Variants in ZBTB38 observed in about 807,000 individuals in gnomAD.
The protein encoded by ZBTB38 is zinc finger and BTB domain containing 38.
ZBTB38 carries 20 observed loss-of-function variants against 76.8 expected under a neutral mutation model. That is an observed-to-expected ratio of 0.26 (90% CI 0.18 to 0.38). ZBTB38 has a LOEUF of 0.38. ZBTB38 is among the 10% of genes least tolerant of loss of function. The pLI is 1.00. For synonymous variants in ZBTB38, 504 were observed against 544.2 expected (o/e 0.93, Z 1.03); for missense variants, 1,082 against 1,482.3 (o/e 0.73, Z 4.43).
chr3:141,407,183 C>T (rs1332903127), intron 5 of ZBTB38, among the ~76,000 whole-genome samples: 3 of 152,174 alleles, frequency 2.0e-5, no homozygotes. Context: ...AATGTAATTC[C>T]ATTGCCTTTT....
intron 1 of ZBTB38, among the ~76,000 whole-genome samples, chr3:141,329,957 T>A (rs1359002341): frequency 2.0e-5 from 3 of 151,948 alleles, no homozygotes; most frequent in Non-Finnish European, 4.4e-5. Flanking sequence ...AGTGAGACCT[T>A]GCCTCTATAA....
At chr3:141,337,723 G>T (rs1465748608) in intron 1 of ZBTB38, among the ~76,000 whole-genome samples, 1 of 152,156 alleles carries the variant, frequency 6.6e-6, no homozygotes, top group Admixed American at 6.5e-5. Flanking sequence ...GTAATTACAG[G>T]TCTATGAATT....
At chr3:141,335,235 G>A (rs148383149) in intron 1 of ZBTB38, among the ~76,000 whole-genome samples, 68 of 152,352 alleles carry the variant, frequency 4.5e-4, no homozygotes, top group African/African-American at 1.6e-3. Context: ...CTCGTGTTAT[G>A]TAGATTTGTT....
chr3:141,342,725 CTTTT>C (rs60578286), intron 1 of ZBTB38, among the ~76,000 whole-genome samples: 5 of 108,816 alleles, frequency 4.6e-5, no homozygotes, highest in Admixed American at 2.0e-4. Flanking sequence ...GTCCCATGAT[CTTTT>C]TTTTTTTTTT....
intron 5 of ZBTB38, among the ~76,000 whole-genome samples, chr3:141,426,617 G>C (rs910910852): frequency 6.6e-6 from 1 of 152,108 alleles, no homozygotes; most frequent in Non-Finnish European, 1.5e-5. Flanking sequence ...GATGTCACGT[G>C]GAAGCTAAGT....
At chr3:141,397,696 G>T (rs555908377) in intron 4 of ZBTB38, among the ~76,000 whole-genome samples, 1 of 152,266 alleles carries the variant, frequency 6.6e-6, no homozygotes, top group South Asian at 2.1e-4. Context: ...GAAATATGGA[G>T]GCCCAAGGAG....
intron 1 of ZBTB38, among the ~76,000 whole-genome samples, chr3:141,352,161 A>T (rs1393979123): frequency 6.6e-6 from 1 of 152,094 alleles, no homozygotes; most frequent in Non-Finnish European, 1.5e-5. Flanking sequence ...TCAATAAATA[A>T]TTTTTTTATA....
chr3:141,403,582 G>A (rs1953145464), intron 4 of ZBTB38, among the ~76,000 whole-genome samples: 1 of 152,172 alleles, frequency 6.6e-6, no homozygotes, highest in Non-Finnish European at 1.5e-5. Context: ...TAAAACCGTG[G>A]GTCACTGTCT....
intron 5 of ZBTB38, among the ~76,000 whole-genome samples, chr3:141,429,924 T>C: frequency 6.6e-6 from 1 of 152,112 alleles, no homozygotes; most frequent in East Asian, 1.9e-4. Context: ...CGAGTGAGTC[T>C]GGAGAGTGGA....
chr3:141,348,061 C>A (rs754106306), intron 1 of ZBTB38, among the ~76,000 whole-genome samples: 15 of 152,200 alleles, frequency 9.9e-5, no homozygotes, highest in South Asian at 4.1e-4. Flanking sequence ...GGTTGCCAAT[C>A]TATTATTATT....
At chr3:141,440,076 C>G (rs927733531) in intron 5 of ZBTB38, among the ~76,000 whole-genome samples, 1 of 152,236 alleles carries the variant, frequency 6.6e-6, no homozygotes, top group Non-Finnish European at 1.5e-5. Context: ...TAGAAATAAT[C>G]CCCCATACTT....
chr3:141,354,877 C>T (rs977162249), intron 1 of ZBTB38, among the ~76,000 whole-genome samples: 5 of 151,982 alleles, frequency 3.3e-5, no homozygotes, highest in African/African-American at 4.8e-5. Flanking sequence ...GAATGATAGG[C>T]GTAACCAAGA....
chr3:141,342,725 CTT>C (rs60578286), intron 1 of ZBTB38, among the ~76,000 whole-genome samples: 192 of 108,784 alleles, frequency 1.8e-3, no homozygotes, highest in Middle Eastern at 4.8e-3. Context: ...GTCCCATGAT[CTT>C]TTTTTTTTTT....
chr3:141,346,902 T>C (rs1342133947), intron 1 of ZBTB38, among the ~76,000 whole-genome samples: 1 of 152,030 alleles, frequency 6.6e-6, no homozygotes, highest in African/African-American at 2.4e-5. Flanking sequence ...AAGCACTGTC[T>C]ACTACGAATG....
At chr3:141,426,066 A>G (rs1049257766) in intron 5 of ZBTB38, 87 of 1,129,314 alleles carry the variant, frequency 7.7e-5, no homozygotes, top group Admixed American at 1.9e-4. Context: ...TGATGTCACA[A>G]TGGGGACATT....
chr3:141,421,430 A>G (rs74557261), intron 5 of ZBTB38, among the ~76,000 whole-genome samples: 9,193 of 151,994 alleles, frequency 0.06, 338 homozygotes, highest in East Asian at 0.18. Context: ...CCCACCGGGG[A>G]GTCTAGAAAC....
chr3:141,372,324 G>C (rs1452409803), intron 2 of ZBTB38, among the ~76,000 whole-genome samples: 2 of 152,158 alleles, frequency 1.3e-5, no homozygotes, highest in Non-Finnish European at 2.9e-5. Flanking sequence ...TGATCGGGGA[G>C]CTGGCTGGGC....
At chr3:141,374,212 GA>G (rs1471884369) in intron 2 of ZBTB38, among the ~76,000 whole-genome samples, 3 of 151,950 alleles carry the variant, frequency 2.0e-5, no homozygotes, top group African/African-American at 4.8e-5. Context: ...TTATTTTAAA[GA>G]TTTTTTTGTC....
At chr3:141,344,470 A>G (rs1412929272) in intron 1 of ZBTB38, among the ~76,000 whole-genome samples, 3 of 152,164 alleles carry the variant, frequency 2.0e-5, no homozygotes, top group Admixed American at 1.3e-4. Context: ...CAAGGCTGAA[A>G]TGATCCTCTT....
Sources: gnomAD v4.1 joint callset for allele counts (sites outside exome capture counted in the v4.1 genomes callset) on GRCh38, gnomAD v4.1.1 for gene constraint, MANE v1.5 for transcripts, NCBI Gene and HGNC (gene_info 2026-07-23, HGNC 2026-07-21) for gene names.